The following CAPN14 variants were observed in gnomAD, a reference collection of about 807,000 sequenced individuals.
CAPN14 encodes calpain 14.
CAPN14 carries 94 observed loss-of-function variants against 101.3 expected under a neutral mutation model. That is an observed-to-expected ratio of 0.93 (90% CI 0.79 to 1.10). The LOEUF (loss-of-function observed/expected upper bound fraction) is 1.10, where lower values mean the gene tolerates loss of function less well. Among genes scored for constraint, CAPN14 ranks in the 50% least tolerant of loss-of-function variants. The pLI, the probability that CAPN14 is intolerant of heterozygous loss-of-function variation, is 0.00. For synonymous variants in CAPN14, 338 were observed against 317.9 expected (o/e 1.06, Z -0.67); for missense variants, 837 against 828.4 (o/e 1.01, Z -0.13).
chr2:31,196,795 T>C (rs1386607284), intron 8 of CAPN14, among the ~76,000 whole-genome samples: 1 of 152,136 alleles, frequency 6.6e-6, no homozygotes, highest in African/African-American at 2.4e-5. Flanking sequence ...CCAATCCAAA[T>C]CTGTCTACCT....
At chr2:31,219,868 C>T (rs1374844137), upstream of CAPN14, among the ~76,000 whole-genome samples, 1 of 152,172 alleles carries the variant, frequency 6.6e-6, no homozygotes, top group East Asian at 1.9e-4. Flanking sequence ...CAGCCTTGAG[C>T]AAACATTCAA....
intron 1 of CAPN14, among the ~76,000 whole-genome samples, chr2:31,215,707 T>A (rs190914804): frequency 1.3e-5 from 2 of 151,778 alleles, no homozygotes; most frequent in East Asian, 3.9e-4. Flanking sequence ...CCCCCTCCTC[T>A]CCCAAGCCCA....
In CAPN14 at chr2:31,212,719, T is replaced by C. The variant is rs146839998; in HGVS notation, c.-53+4737A>G. ...ATGTTCAGTTCATTCACACATTTAC[T>C]GAACACCTACTATGTGCTAGACACT... On this transcript the variant is annotated intron_variant, in intron 1 of 21. Coordinates refer to ENST00000403897, the MANE Select transcript of CAPN14 (RefSeq NM_001145122.2). Among the ~76,000 whole-genome samples, 299 of 152,358 alleles carry C rather than the reference T, an allele frequency of 2.0e-3. 1 individual carries two copies. The highest frequency in any genetic ancestry group is 6.8e-3 in the African/African-American group (282 of 41,582).
At chr2:31,213,197 G>A (rs550771138) in intron 1 of CAPN14, among the ~76,000 whole-genome samples, 1 of 152,308 alleles carries the variant, frequency 6.6e-6, no homozygotes, top group South Asian at 2.1e-4. Context: ...ATGTGCCCGT[G>A]TGCTGACTCC....
At chr2:31,195,668 C>T (rs551039287) in intron 8 of CAPN14, among the ~76,000 whole-genome samples, 80 of 152,258 alleles carry the variant, frequency 5.3e-4, no homozygotes, top group African/African-American at 1.9e-3. Context: ...GGAATCTTTA[C>T]TAGAGATCCC....
At chr2:31,210,838 G>A (rs576363754) in intron 1 of CAPN14, among the ~76,000 whole-genome samples, 8 of 152,218 alleles carry the variant, frequency 5.3e-5, no homozygotes, top group South Asian at 2.1e-4. Context: ...ATACAAGAAC[G>A]TATTTAGTTG....
chr2:31,187,837 A>T (rs771659336), intron 14 of CAPN14, 23 bp from the exon 15 acceptor site: 1 of 1,540,222 alleles, frequency 6.5e-7, no homozygotes, highest in South Asian at 1.2e-5. Context: ...ACACACAGAA[A>T]GACACAATTA....
upstream of CAPN14, among the ~76,000 whole-genome samples, chr2:31,220,445 C>T (rs1682827553): frequency 6.6e-6 from 1 of 152,218 alleles, no homozygotes; most frequent in South Asian, 2.1e-4. Context: ...CATGGGGTAG[C>T]ATTACCCTGG....
intron 8 of CAPN14, among the ~76,000 whole-genome samples, chr2:31,196,666 C>G (rs908193875): frequency 2.0e-5 from 3 of 152,186 alleles, no homozygotes; most frequent in African/African-American, 7.2e-5. Flanking sequence ...TGCCCTACAG[C>G]CAGTGTCTAG....
At chr2:31,231,915 T>C (rs1368614937) in intron 1 of CAPN14, among the ~76,000 whole-genome samples, 1 of 152,236 alleles carries the variant, frequency 6.6e-6, no homozygotes, top group Non-Finnish European at 1.5e-5. Flanking sequence ...ATATCTTTAA[T>C]ATTACTCCTT....
chr2:31,197,409 C>A (rs1380123706), intron 7 of CAPN14, 75 bp from the exon 8 acceptor site: 27 of 1,043,488 alleles, frequency 2.6e-5, no homozygotes, highest in Non-Finnish European at 3.8e-5. Flanking sequence ...AGACTCGGGC[C>A]TGGAGCTGAG....
At chr2:31,198,906 C>T (rs1681606339) in intron 7 of CAPN14, among the ~76,000 whole-genome samples, 1 of 152,222 alleles carries the variant, frequency 6.6e-6, no homozygotes, top group Admixed American at 6.5e-5. Flanking sequence ...CCCAGCCCAA[C>T]TCGATGGAGG....
intron 19 of CAPN14, among the ~76,000 whole-genome samples, 200 bp from the exon 20 acceptor site, chr2:31,177,342 CTGTT>C (rs903103136): frequency 6.6e-6 from 1 of 152,094 alleles, no homozygotes; most frequent in African/African-American, 2.4e-5. Flanking sequence ...TCACCCCTGT[CTGTT>C]AAGGCAACCA....
At chr2:31,181,100 C>G (rs991259862) in intron 16 of CAPN14, 100 bp from the exon 17 acceptor site, 3 of 881,238 alleles carry the variant, frequency 3.4e-6, no homozygotes, top group Non-Finnish European at 5.5e-6. Flanking sequence ...AGCTGATGAC[C>G]ACCATGTATG....
At chr2:31,218,710 G>A (rs770206994), upstream of CAPN14, among the ~76,000 whole-genome samples, 37 of 152,244 alleles carry the variant, frequency 2.4e-4, no homozygotes, top group African/African-American at 2.6e-4. Context: ...ATGGCAACTC[G>A]CCCAAGATAA....
intron 16 of CAPN14, among the ~76,000 whole-genome samples, chr2:31,185,858 T>A (rs957914448): frequency 3.9e-5 from 6 of 152,216 alleles, no homozygotes; most frequent in African/African-American, 1.4e-4. Context: ...ATCAGCCTAT[T>A]TCTTCTGTGT....
At chr2:31,209,715 A>G (rs115178209) in intron 1 of CAPN14, among the ~76,000 whole-genome samples, 6,477 of 152,274 alleles carry the variant, frequency 0.043, 151 homozygotes, top group African/African-American at 0.056. Context: ...GGTCTCAGTG[A>G]TATTTCAGTA....
chr2:31,227,056 A>G (rs1683043484), intron 1 of CAPN14, among the ~76,000 whole-genome samples: 1 of 152,312 alleles, frequency 6.6e-6, no homozygotes, highest in East Asian at 1.9e-4. Context: ...CACCTGTGCT[A>G]CAAAAGCAGA....
chr2:31,194,227 G>C (rs1681358383), intron 9 of CAPN14, among the ~76,000 whole-genome samples, 182 bp downstream of exon 9: 1 of 152,186 alleles, frequency 6.6e-6, no homozygotes, highest in Admixed American at 6.5e-5. Flanking sequence ...TCATCACAAA[G>C]ACAGTGACCG....
Sources: gnomAD v4.1 joint callset for allele counts (sites outside exome capture counted in the v4.1 genomes callset) on GRCh38, gnomAD v4.1.1 for gene constraint, MANE v1.5 for transcripts, NCBI Gene and HGNC (gene_info 2026-07-23, HGNC 2026-07-21) for gene names.